The following INTS1 variants were observed in gnomAD, a reference collection of about 807,000 sequenced individuals.
The protein encoded by INTS1 is integrator complex subunit 1.
A neutral mutation model predicts 241.6 loss-of-function variants in INTS1; 137 were observed. The observed-to-expected ratio is 0.57, with a 90% CI of 0.49 to 0.65. The LOEUF is 0.65. Among genes scored for constraint, INTS1 ranks in the 30% least tolerant of loss-of-function variants. The pLI, the probability that INTS1 is intolerant of heterozygous loss-of-function variation, is 0.00. For synonymous variants in INTS1, 1,692 were observed against 1,337.8 expected (o/e 1.26, Z -5.78); for missense variants, 3,073 against 3,032.2 (o/e 1.01, Z -0.32).
Position 1,481,177 on chromosome 7 carries a change from T to C in INTS1, c.3850+165A>G. On this transcript the variant is annotated intron_variant, in intron 28 of 47. Coordinates refer to ENST00000404767, the MANE Select transcript of INTS1 (RefSeq NM_001080453.3). The surrounding 1 kb of genome is among the most constrained non-coding windows in gnomAD (Gnocchi z 6.8). The stretch of plus-strand genomic sequence containing the variant: ...GCCCAGGCCTCGGCTCCCTCCTGAC[T>C]GTGCCAGCCTCACCAACCCACAGGT... 2 of 851,690 alleles carry C rather than the reference T, an allele frequency of 2.3e-6. No homozygotes were observed. The highest frequency in any genetic ancestry group is 3.8e-6 in the Non-Finnish European group (2 of 525,352). 52.8% of individuals were successfully genotyped at this position (851,690 alleles called of 1,614,324 possible).
intron 12 of INTS1, 135 bp downstream of exon 12, chr7:1,496,021 T>C: frequency 1.5e-6 from 1 of 661,400 alleles, no homozygotes; most frequent in South Asian, 1.9e-5. Context: ...CCAGGCTCCG[T>C]GTCCCCGAGT....
rs376080709 is a variant in INTS1, at chr7:1,470,657, C to T, written c.6493G>A (p.Val2165Met). The T allele has an allele frequency of 2.3e-5, 37 of 1,582,366 alleles. 1 individual carries two copies. The African/African-American group carries it at 4.7e-4, about 20-fold the overall frequency. Residue 2165 changes from valine to methionine, a missense_variant, in exon 48 of 48, where the codon GTG (valine) becomes ATG (methionine). By Grantham distance (21) the Val-to-Met change is conservative. Coordinates refer to ENST00000404767, the MANE Select transcript of INTS1 (RefSeq NM_001080453.3). ...GGGTCCATCTGGCCGTACATGCCCACCAGGAAGGCCCGGTGGAGCAGCACA... is the reference window on the plus strand; with the variant it reads ...GGGTCCATCTGGCCGTACATGCCCATCAGGAAGGCCCGGTGGAGCAGCACA... ...AAVLLHRAFL[V>M]GMYGQMDPSA...
At position 1,477,782 on chromosome 7, in the gene INTS1, A is replaced by C. The variant is rs751014577; in HGVS notation, c.4785T>G (p.Ala1595=). Residue 1595 remains alanine (A), a synonymous_variant, in exon 34 of 48, where the codon GCT becomes GCG. Transcript: ENST00000404767. ...SLLLQEEEPL[A]GGKPGADGGS... ...CACCGTCCGCACCCGGCTTCCCCCC[A>C]GCCAGGGGCTCCTCCTCCTGCAGCA... 3 of 1,612,454 alleles carry C rather than the reference A, an allele frequency of 1.9e-6. No individual in the cohort carries two copies. Among genetic ancestry groups the C allele is most frequent in the South Asian group, 2.2e-5 (2 of 91,082 alleles).
rs775926897 is a variant in INTS1 at position 1,493,502 on chromosome 7, G to A, written c.2068+252C>T. Reference sequence around the variant, plus strand: ...TCTGGCCGTGGCCAAATCACACCGAGAATGCCAATTCCAAAAAATGTGCAA... The same window carrying A: ...TCTGGCCGTGGCCAAATCACACCGAAAATGCCAATTCCAAAAAATGTGCAA... On this transcript the variant is annotated intron_variant, in intron 15 of 47. Transcript: ENST00000404767. This position sits in a 1 kb window ranked among gnomAD's most constrained non-coding sequence, Gnocchi z 5.3. 2.6e-5 allele frequency among the ~76,000 whole-genome samples: 4 copies of A among 152,326 alleles called. No individual in the cohort carries two copies. The highest frequency in any genetic ancestry group is 4.8e-5 in the African/African-American group (2 of 41,568).
intron 12 of INTS1, 95 bp from the exon 13 acceptor site, chr7:1,495,648 AG>A: frequency 6.7e-7 from 1 of 1,484,472 alleles, no homozygotes; most frequent in South Asian, 1.2e-5. Context: ...GGCACTTGGG[AG>A]GGGGTAACTC....
In INTS1 at chr7:1,485,184, C is replaced by A. The variant is rs767993462; in HGVS notation, c.3175G>T (p.Asp1059Tyr). ...AGGTAGGCGCTGATGGTCTGGGGAT[C>A]AGTCTCCATGTGGATTGCCTGGAGG... ...ALQQAIHMET[D>Y]PQTISAYLIY... Residue 1059 changes from aspartate to tyrosine, a missense_variant, in exon 24 of 48, where the codon GAT becomes TAT. Physicochemically the swap from Asp to Tyr is radical, Grantham distance 160. Coordinates refer to ENST00000404767, the MANE Select transcript of INTS1 (RefSeq NM_001080453.3). 2 of 1,600,564 alleles carry A rather than the reference C, an allele frequency of 1.2e-6. No individual in the cohort carries two copies. The highest frequency in any genetic ancestry group is 4.5e-5 in the East Asian group (2 of 44,868).
intron 11 of INTS1, among the ~76,000 whole-genome samples, chr7:1,496,882 G>A (rs1003567666): frequency 2.6e-5 from 4 of 151,970 alleles, no homozygotes; most frequent in East Asian, 1.9e-4. Flanking sequence ...CCTTGCTGCC[G>A]GCAGCAATTC....
chr7:1,502,663 C>G (rs1035418384), intron 3 of INTS1, among the ~76,000 whole-genome samples: 5 of 152,264 alleles, frequency 3.3e-5, no homozygotes, highest in African/African-American at 1.2e-4. Context: ...ACAAACAACT[C>G]AATAAGGGAG....
At position 1,497,440 on chromosome 7, in the gene INTS1, G is replaced by T; in HGVS notation, c.1426-126C>A. On this transcript the variant is annotated intron_variant, in intron 10 of 47. Coordinates refer to ENST00000404767, the MANE Select transcript of INTS1 (RefSeq NM_001080453.3). This position sits in a 1 kb window ranked among gnomAD's most constrained non-coding sequence, Gnocchi z 5.3. ...CAGTGGGTCTCAGACAGTGTGGGGT[G>T]CGGGGTGGCGGGCTCCTTGCTCTAC... is the stretch of plus-strand genomic sequence containing the variant. 1.1e-6 allele frequency: 1 copy of T among 902,580 alleles called. No homozygotes were observed. The highest frequency in any genetic ancestry group is 1.6e-6 in the Non-Finnish European group (1 of 621,194). 55.9% of individuals were successfully genotyped at this position (902,580 alleles called of 1,614,324 possible).
chr7:1,487,310 C>G lies in INTS1; in HGVS notation c.2646+10G>C. ...CCACCATCTCTACCTCCTGGAGCCT[C>G]GGCACTCACCTGCCGCTGGATGATG... On this transcript the variant is annotated intron_variant, in intron 20 of 47. Transcript: ENST00000404767. 1 of 1,582,598 alleles carries G rather than the reference C, an allele frequency of 6.3e-7. No individual in the cohort carries two copies. Among genetic ancestry groups the G allele is most frequent in the Non-Finnish European group, 8.6e-7 (1 of 1,164,722 alleles).
Position 1,474,775 on chromosome 7 carries a change from C to G in INTS1, c.5566G>C (p.Glu1856Gln), listed in dbSNP as rs1380905910. 17 of 1,578,224 alleles carry G rather than the reference C, an allele frequency of 1.1e-5. No individual in the cohort carries two copies. Among genetic ancestry groups the G allele is most frequent in the Non-Finnish European group, 1.4e-5 (16 of 1,164,468 alleles). Residue 1856 changes from glutamate (E) to glutamine (Q), a missense_variant, in exon 40 of 48, where the codon GAG (glutamate) becomes CAG (glutamine). Glu to Gln is a conservative substitution (Grantham distance 29). Coordinates refer to ENST00000404767, the MANE Select transcript of INTS1 (RefSeq NM_001080453.3). The stretch of plus-strand genomic sequence containing the variant: ...ATGCTGGCATCCGCCCCTCGGTTCT[C>G]CAACGCCCGGGAGTCGCTGGTGTCC... ...LADTSDSRAL[E>Q]NRGADASMAC...
chr7:1,476,191 A>G, intron 38 of INTS1, 38 bp downstream of exon 38: 1 of 1,535,064 alleles, frequency 6.5e-7, no homozygotes, highest in Non-Finnish European at 8.8e-7. Flanking sequence ...TCCATGGCTC[A>G]CTCCCAGGCA....
chr7:1,486,070 G>A (rs541887507), intron 22 of INTS1, among the ~76,000 whole-genome samples: 1 of 151,954 alleles, frequency 6.6e-6, no homozygotes, highest in East Asian at 1.9e-4. Flanking sequence ...CAAGTAGCTG[G>A]GAACACAGGC....
Position 1,498,959 on chromosome 7 carries a change from C to CCCCCCG in INTS1, c.1137+15_1137+16insCGGGGG. ...CCACCCCCTGCCCCGCCCACCCCCC[C>CCCCCCG]GGGGCGCCCCCGCACCTTGGGGTTC... On this transcript the variant is annotated intron_variant, in intron 8 of 47. Transcript: ENST00000404767. 3 of 1,487,690 alleles carry CCCCCCG rather than the reference C, an allele frequency of 2.0e-6. No individual in the cohort carries two copies. The highest frequency in any genetic ancestry group is 2.7e-6 in the Non-Finnish European group (3 of 1,118,678). The allele number at this position is 1,487,690 out of a possible 1,614,324, so 92.2% of individuals were successfully genotyped here.
intron 30 of INTS1, 22 bp downstream of exon 30, chr7:1,480,295 C>G (rs778725296): frequency 6.3e-7 from 1 of 1,590,412 alleles, no homozygotes. Context: ...AGGTGGAGAC[C>G]CACATGCAGC....
rs763321122 is a variant in INTS1, at chr7:1,481,301, C to T, written c.3850+41G>A. 4 of 1,610,350 alleles carry T rather than the reference C, an allele frequency of 2.5e-6. No homozygotes were observed. Among genetic ancestry groups the T allele is most frequent in the Admixed American group, 1.7e-5 (1 of 59,814 alleles). On this transcript the variant is annotated intron_variant, in intron 28 of 47. Coordinates refer to ENST00000404767, the MANE Select transcript of INTS1 (RefSeq NM_001080453.3). The surrounding 1 kb of genome is among the most constrained non-coding windows in gnomAD (Gnocchi z 6.8). ...AAGCCTGGCCGGGCTGGGGCTCGGT[C>T]AGCGTGTGTGAACCCACTCCGCAGG... is the stretch of plus-strand genomic sequence containing the variant.
chr7:1,487,457 C>A lies in INTS1; in HGVS notation c.2517-8G>T. The A allele has an allele frequency of 1.2e-6, 2 of 1,609,764 alleles. No homozygotes were observed. Among genetic ancestry groups the A allele is most frequent in the Non-Finnish European group, 1.7e-6 (2 of 1,178,926 alleles). ...GGCCTCCGGGGGGGCCCCCTGAGGG[C>A]CACAGGGGACACGGTGCGTCAGCAC... is the stretch of plus-strand genomic sequence containing the variant. On this transcript the variant is annotated splice_region_variant and splice_polypyrimidine_tract_variant and intron_variant, in intron 19 of 47. Coordinates refer to ENST00000404767, the MANE Select transcript of INTS1 (RefSeq NM_001080453.3).
rs1782967396 is a variant in INTS1 at position 1,498,414 on chromosome 7, T to C, written c.1423A>G (p.Lys475Glu). The stretch of plus-strand genomic sequence containing the variant: ...AAGGCCAGGGACCCTGGGCCTACCT[T>C]GGGCGCCAGCTCTGAGCTGTGCTGC... Reference protein sequence around the residue: ...ALQHSSELAPKFLAMVFQDLL... With the variant: ...ALQHSSELAPEFLAMVFQDLL... Residue 475 changes from lysine (K) to glutamate (E), a missense_variant and splice_region_variant, in exon 10 of 48, where the codon AAG (lysine) becomes GAG (glutamate). By Grantham distance (56) the Lys-to-Glu change is moderately conservative. Coordinates refer to ENST00000404767, the MANE Select transcript of INTS1 (RefSeq NM_001080453.3). The C allele has an allele frequency of 5.0e-6, 8 of 1,613,686 alleles. No individual in the cohort carries two copies. Among genetic ancestry groups the C allele is most frequent in the Non-Finnish European group, 6.8e-6 (8 of 1,179,820 alleles).
In INTS1 at chr7:1,485,387, G is replaced by C; in HGVS notation, c.3059C>G (p.Thr1020Arg). 3 of 1,612,812 alleles carry C rather than the reference G, an allele frequency of 1.9e-6. No individual in the cohort carries two copies. Among genetic ancestry groups the C allele is most frequent in the South Asian group, 2.2e-5 (2 of 91,088 alleles). ...EPPMEEDVGD[T>R]DVLQGYQWLL... ...CCACTGATAGCCCTGCAGCACATCT[G>C]TGTCCCCCACATCCTCCTCCATGGG... The change falls in exon 23 of 48, where the codon ACA (threonine) becomes AGA (arginine). Residue 1020 changes from threonine to arginine, a missense_variant. Thr to Arg is a moderately conservative substitution (Grantham distance 71, BLOSUM62 -1). Coordinates refer to ENST00000404767, the MANE Select transcript of INTS1 (RefSeq NM_001080453.3).
Sources: gnomAD v4.1 joint callset for allele counts (sites outside exome capture counted in the v4.1 genomes callset) on GRCh38, gnomAD v4.1.1 for gene constraint, Gnocchi (gnomAD v3.1) non-coding constraint, MANE v1.5 for transcripts, NCBI Gene and HGNC (gene_info 2026-07-23, HGNC 2026-07-21) for gene names.